The following PTPN22 variants were observed in gnomAD, a reference collection of about 807,000 sequenced individuals.
The protein encoded by PTPN22 is tyrosine-protein phosphatase non-receptor type 22.
PTPN22 carries 85 observed loss-of-function variants against 103.3 expected under a neutral mutation model. That is an observed-to-expected ratio of 0.82 (90% CI 0.69 to 0.99). PTPN22 has a LOEUF of 0.99. Ranked by LOEUF, PTPN22 falls within the 50% of genes least tolerant of loss-of-function variation. The probability of loss-of-function intolerance (pLI) is 0.00; values close to 1 mark genes in which losing one functional copy is unlikely to be tolerated. For synonymous variants in PTPN22, 323 were observed against 310.2 expected, an observed-to-expected ratio of 1.04 and a Z score of -0.43; for missense variants, 865 against 936.9, an observed-to-expected ratio of 0.92 and a Z score of 1.00.
intron 19 of PTPN22, among the ~76,000 whole-genome samples, chr1:113,823,942 A>G (rs957655795): frequency 1.3e-5 from 2 of 152,228 alleles, no homozygotes; most frequent in African/African-American, 4.8e-5. Flanking sequence ...GTAGGGAGAT[A>G]GAATGAAAAC....
chr1:113,864,906 C>T (rs566454181), intron 1 of PTPN22, among the ~76,000 whole-genome samples: 24 of 146,970 alleles, frequency 1.6e-4, no homozygotes, highest in African/African-American at 5.5e-4. Context: ...AGCGAGACTC[C>T]GTCTCAAAAA....
At chr1:113,829,409 G>A (rs1429511676) in intron 18 of PTPN22, among the ~76,000 whole-genome samples, 183 bp downstream of exon 18, 1 of 151,944 alleles carries the variant, frequency 6.6e-6, no homozygotes, top group East Asian at 1.9e-4. Flanking sequence ...TCTGACAAAT[G>A]CCTCTTTAAG....
At chr1:113,843,313 G>A (rs1558037166) in intron 11 of PTPN22, among the ~76,000 whole-genome samples, 1 of 151,132 alleles carries the variant, frequency 6.6e-6, no homozygotes, top group Non-Finnish European at 1.5e-5. Context: ...TGTGTGGTGT[G>A]TGTGTGTATA....
intron 18 of PTPN22, among the ~76,000 whole-genome samples, chr1:113,826,994 G>A (rs1435302657): frequency 6.6e-6 from 1 of 152,078 alleles, no homozygotes; most frequent in Non-Finnish European, 1.5e-5. Context: ...ATCTCTTCAA[G>A]GAACCTACCC....
rs1664292200 is a variant in PTPN22 at position 113,848,550 on chromosome 1, G to A, written c.905C>T (p.Ser302Phe). Reference sequence around the variant, plus strand: ...TAGTTTAAATTTTACCTCTGTTCCAGAATGTTTATCTCTGATAACATCCAT... The same window carrying A: ...TAGTTTAAATTTTACCTCTGTTCCAAAATGTTTATCTCTGATAACATCCAT... The change falls in exon 11 of 21, where the codon TCT (serine) becomes TTT (phenylalanine). Residue 302 changes from serine to phenylalanine, a missense_variant. Ser to Phe is a radical substitution (Grantham distance 155). Coordinates refer to ENST00000359785, the Ensembl canonical transcript of PTPN22. 3 of 1,613,168 alleles carry A rather than the reference G, an allele frequency of 1.9e-6. No individual in the cohort carries two copies. In the African/African-American group the frequency reaches 4.0e-5, roughly 22 times the overall value.
intron 19 of PTPN22, among the ~76,000 whole-genome samples, chr1:113,821,907 T>A (rs1661647869): frequency 1.3e-5 from 2 of 152,204 alleles, no homozygotes; most frequent in African/African-American, 2.4e-5. Context: ...TCCTGCCTAA[T>A]CAGAACATTG....
At chr1:113,815,927 C>T (rs932327333) in intron 20 of PTPN22, among the ~76,000 whole-genome samples, 4 of 152,198 alleles carry the variant, frequency 2.6e-5, no homozygotes, top group Non-Finnish European at 4.4e-5. Flanking sequence ...GATCCACCCA[C>T]CTTGGCCTTC....
intron 20 of PTPN22, 51 bp from the exon 21 acceptor site, chr1:113,815,020 A>C (rs1661045359): frequency 7.6e-7 from 1 of 1,317,184 alleles, no homozygotes; most frequent in African/African-American, 1.5e-5. Context: ...TAAGTATAGA[A>C]ATGAATACTT....
At chr1:113,823,432 C>A (rs1268119287) in intron 19 of PTPN22, 1 of 152,242 alleles carries the variant, frequency 6.6e-6, no homozygotes, top group South Asian at 2.1e-4. Context: ...GAAGTACAGT[C>A]TAAAGCTTCA....
At chr1:113,818,816 A>C (rs1213194830) in intron 20 of PTPN22, among the ~76,000 whole-genome samples, 3 of 152,196 alleles carry the variant, frequency 2.0e-5, no homozygotes, top group African/African-American at 7.2e-5. Flanking sequence ...AGAGGAGGCC[A>C]CACCTCCACT....
At chr1:113,820,379 A>G (rs187669440) in intron 19 of PTPN22, among the ~76,000 whole-genome samples, 101 of 152,226 alleles carry the variant, frequency 6.6e-4, no homozygotes, top group Admixed American at 1.3e-3. Flanking sequence ...AATTGATCCA[A>G]CCTGGGAGGC....
chr1:113,870,138 A>G (rs1275061376), intron 1 of PTPN22, among the ~76,000 whole-genome samples: 1 of 152,212 alleles, frequency 6.6e-6, no homozygotes, highest in Non-Finnish European at 1.5e-5. Context: ...TAAGTGCTCA[A>G]TAAATGGTAC....
chr1:113,825,450 C>T (rs1342208837), intron 18 of PTPN22, among the ~76,000 whole-genome samples: 1 of 152,154 alleles, frequency 6.6e-6, no homozygotes, highest in Admixed American at 6.5e-5. Context: ...GTAATCCCGG[C>T]ACTTTGAGAG....
At chr1:113,823,656 C>T (rs1320494191) in intron 19 of PTPN22, among the ~76,000 whole-genome samples, 4 of 152,202 alleles carry the variant, frequency 2.6e-5, no homozygotes, top group Non-Finnish European at 4.4e-5. Flanking sequence ...ATATTCTAGG[C>T]AGAGTTAGAG....
intron 16 of PTPN22, among the ~76,000 whole-genome samples, chr1:113,831,972 G>A (rs1162307923): frequency 6.6e-6 from 1 of 152,144 alleles, no homozygotes; most frequent in Non-Finnish European, 1.5e-5. Flanking sequence ...AATATTTAAT[G>A]AGGACTTATT....
At chr1:113,857,131 T>A (rs1018672679) in intron 5 of PTPN22, among the ~76,000 whole-genome samples, 1 of 152,226 alleles carries the variant, frequency 6.6e-6, no homozygotes, top group African/African-American at 2.4e-5. Flanking sequence ...GTAACCAATA[T>A]AAAATAATTA....
intron 15 of PTPN22, 21 bp downstream of exon 15, chr1:113,834,288 A>T: frequency 1.2e-6 from 2 of 1,609,588 alleles, no homozygotes; most frequent in African/African-American, 1.3e-5. Flanking sequence ...AAATGAGTAG[A>T]GTCATTAAAA....
intron 9 of PTPN22, among the ~76,000 whole-genome samples, chr1:113,853,858 G>GT (rs1664801551): frequency 9.4e-5 from 8 of 84,796 alleles, no homozygotes; most frequent in African/African-American, 2.9e-4. Context: ...ATTTTTTTTT[G>GT]CTTTTTTTTT....
intron 1 of PTPN22, among the ~76,000 whole-genome samples, chr1:113,868,032 G>A (rs1571488504): frequency 1.3e-5 from 2 of 152,172 alleles, no homozygotes; most frequent in South Asian, 4.1e-4. Context: ...CAATGTAAAT[G>A]CTAGATAAAT....
Sources: allele counts gnomAD v4.1 joint callset (sites outside exome capture counted in the v4.1 genomes callset), GRCh38; gene constraint gnomAD v4.1.1; transcripts MANE v1.5; gene names NCBI Gene and HGNC (gene_info 2026-07-23, HGNC 2026-07-21).